PSTPIP2: variants seen among roughly 807,000 people sequenced by gnomAD.
The protein encoded by PSTPIP2 is proline-serine-threonine phosphatase-interacting protein 2.
Under a neutral mutation model 63.3 loss-of-function variants are expected in PSTPIP2, and 33 were observed. That is an observed-to-expected ratio of 0.52 (90% CI 0.40 to 0.70). PSTPIP2 has a LOEUF of 0.70. Among genes scored for constraint, PSTPIP2 ranks in the 30% least tolerant of loss-of-function variants. PSTPIP2 has a pLI of 0.00. For synonymous variants in PSTPIP2, 125 were observed against 132.7 expected (o/e 0.94, Z 0.40); for missense variants, 312 against 400.7 (o/e 0.78, Z 1.89).
chr18:45,985,305 G>T lies in PSTPIP2; in HGVS notation c.*154C>A. ...TCTACTTGCTTATGTTGTCCTAAAT[G>T]TCTACCATAAATTTTAAATCTCTAA... On this transcript the variant is annotated 3_prime_UTR_variant, in exon 15 of 15. Transcript: ENST00000409746. 1 of 1,084,944 alleles carries T rather than the reference G, an allele frequency of 9.2e-7. No homozygotes were observed. The highest frequency in any genetic ancestry group is 1.3e-6 in the Non-Finnish European group (1 of 749,014). 67.2% of individuals were successfully genotyped at this position (1,084,944 alleles called of 1,614,324 possible).
chr18:45,985,320 T>C lies in PSTPIP2; in HGVS notation c.*139A>G. On this transcript the variant is annotated 3_prime_UTR_variant, in exon 15 of 15. Transcript: ENST00000409746. ...TGTCCTAAATGTCTACCATAAATTT[T>C]AAATCTCTAAAAAATTATAGCAAGG... 7.9e-7 allele frequency: 1 copy of C among 1,266,716 alleles called. No homozygotes were observed. The highest frequency in any genetic ancestry group is 1.1e-6 in the Non-Finnish European group (1 of 903,944). 78.5% of individuals were successfully genotyped at this position (1,266,716 alleles called of 1,614,324 possible). A position where few individuals can be genotyped will look rare whatever the true frequency, so the allele number is the denominator to read the frequency against.
intron 2 of PSTPIP2, chr18:46,029,721 C>G (rs1389633095): frequency 1.8e-5 from 12 of 652,808 alleles, no homozygotes; most frequent in Non-Finnish European, 3.1e-5. Context: ...CCTTCCTGTA[C>G]AGTATTTCAA....
At chr18:46,064,591 C>T (rs922584667) in intron 1 of PSTPIP2, among the ~76,000 whole-genome samples, 13 of 151,850 alleles carry the variant, frequency 8.6e-5, no homozygotes, top group South Asian at 2.1e-4. Context: ...TGAGCCACCA[C>T]GCCCAGCCCT....
At position 45,990,744 on chromosome 18, in the gene PSTPIP2, G is replaced by C. The variant is rs555423133; in HGVS notation, c.933C>G (p.Leu311=). The C allele has an allele frequency of 2.0e-4, 317 of 1,606,176 alleles. 3 individuals carry two copies. In the South Asian group the frequency reaches 3.3e-3, roughly 17 times the overall value. Residue 311 remains leucine, a synonymous_variant, in exon 13 of 15, where the codon CTC becomes CTG. Transcript: ENST00000409746. ...TGPNLARRGP[L]PIPKSSPDDP... ...TACCTGGTGAGCTTTTAGGAATTGG[G>C]AGGGGTCCTCTCCTGTAAGAAATGA...
intron 9 of PSTPIP2, chr18:45,993,946 T>C: frequency 2.2e-6 from 1 of 463,632 alleles, no homozygotes; most frequent in Non-Finnish European, 4.0e-6. Flanking sequence ...AAAGTAATGA[T>C]GATCCCAGAT....
chr18:46,044,817 A>T (rs1169960573), intron 1 of PSTPIP2, among the ~76,000 whole-genome samples: 3 of 152,228 alleles, frequency 2.0e-5, no homozygotes, highest in Non-Finnish European at 4.4e-5. Flanking sequence ...TACAAGAAAA[A>T]AACAAACAAC....
At chr18:46,027,097 C>T (rs1169151180) in intron 2 of PSTPIP2, among the ~76,000 whole-genome samples, 3 of 151,858 alleles carry the variant, frequency 2.0e-5, no homozygotes, top group Non-Finnish European at 4.4e-5. Context: ...AGTTCGAGAC[C>T]AGCGTGGCCA....
chr18:46,058,844 G>A (rs1437590727), intron 1 of PSTPIP2, among the ~76,000 whole-genome samples: 1 of 152,162 alleles, frequency 6.6e-6, no homozygotes, highest in African/African-American at 2.4e-5. Context: ...GAATGGTTGT[G>A]GCCTTGCCAC....
At chr18:46,028,339 G>A (rs565375925) in intron 2 of PSTPIP2, 2 of 476,342 alleles carry the variant, frequency 4.2e-6, no homozygotes, top group African/African-American at 2.0e-5. Context: ...GGGGCCGAGC[G>A]AGCCGCCCCA....
chr18:45,999,507 G>C lies in PSTPIP2; in HGVS notation c.445C>G (p.Arg149Gly). 3 of 1,614,036 alleles carry C rather than the reference G, an allele frequency of 1.9e-6. No individual in the cohort carries two copies. Among genetic ancestry groups the C allele is most frequent in the Non-Finnish European group, 2.5e-6 (3 of 1,180,006 alleles). ...DAKKNYEQKC[R>G]DKDEAEQAVS... Reference sequence around the variant, plus strand: ...GCCTGTTCTGCCTCATCTTTGTCCCGGCATTTCTGCTCATAGTTCTTCTTT... The same window carrying C: ...GCCTGTTCTGCCTCATCTTTGTCCCCGCATTTCTGCTCATAGTTCTTCTTT... The change falls in exon 7 of 15, where the codon CGG becomes GGG. Residue 149 changes from arginine to glycine, a missense_variant. Physicochemically the swap from Arg to Gly is moderately radical, Grantham distance 125 (BLOSUM62 -2). Transcript: ENST00000409746.
Position 46,040,893 on chromosome 18 carries a change from C to G in PSTPIP2, c.34-846G>C, listed in dbSNP as rs79392672. 2.3e-3 allele frequency: 945 copies of G among 406,536 alleles called. 9 individuals carry two copies. Among genetic ancestry groups the G allele is most frequent in the African/African-American group, 0.018 (882 of 48,670 alleles). 25.2% of individuals were successfully genotyped at this position (406,536 alleles called of 1,614,324 possible). On this transcript the variant is annotated intron_variant, in intron 1 of 14. Transcript: ENST00000409746. ...TCCTCTACTGAAGCCCAAATTCAGGCCAGGAGAGGGAGAAGGAGCTGGGCG... is the reference window on the plus strand; with the variant it reads ...TCCTCTACTGAAGCCCAAATTCAGGGCAGGAGAGGGAGAAGGAGCTGGGCG...
intron 5 of PSTPIP2, among the ~76,000 whole-genome samples, chr18:46,008,682 C>T (rs2051759626): frequency 1.3e-5 from 2 of 152,160 alleles, no homozygotes; most frequent in Admixed American, 6.5e-5. Flanking sequence ...CCGCTCTCCA[C>T]ACAGGCAGCA....
chr18:46,028,691 A>G, intron 2 of PSTPIP2: 2 of 874,372 alleles, frequency 2.3e-6, no homozygotes, highest in Non-Finnish European at 1.9e-6. Flanking sequence ...GGTTTCGGAA[A>G]GATAATGATG....
rs111801925 is a variant in PSTPIP2, at chr18:45,996,501, G to A, written c.642+1248C>T. 1.9e-3 allele frequency among the ~76,000 whole-genome samples: 291 copies of A among 152,224 alleles called. 1 individual carries two copies. The highest frequency in any genetic ancestry group is 0.014 in the Middle Eastern group (4 of 294). On this transcript the variant is annotated intron_variant, in intron 9 of 14. Coordinates refer to ENST00000409746, the MANE Select transcript of PSTPIP2 (RefSeq NM_024430.4). Reference sequence around the variant, plus strand: ...TTTGAGAACCACTGGAAGAAAATGTGTAGGCAGGATGACAGAAACTTAAGC... The same window carrying A: ...TTTGAGAACCACTGGAAGAAAATGTATAGGCAGGATGACAGAAACTTAAGC...
chr18:46,069,041 C>T (rs1441459764), intron 1 of PSTPIP2, among the ~76,000 whole-genome samples: 3 of 152,148 alleles, frequency 2.0e-5, no homozygotes, highest in African/African-American at 4.8e-5. Context: ...AACTAGGAAG[C>T]TGGTCTACAC....
intron 2 of PSTPIP2, among the ~76,000 whole-genome samples, chr18:46,027,760 T>C (rs780960115): frequency 6.6e-5 from 10 of 152,048 alleles, no homozygotes; most frequent in Non-Finnish European, 1.5e-4. Context: ...GAAAAAAAAC[T>C]GAAGTGAAGC....
At chr18:46,058,816 C>T (rs374831038) in intron 1 of PSTPIP2, among the ~76,000 whole-genome samples, 3 of 152,264 alleles carry the variant, frequency 2.0e-5, no homozygotes, top group African/African-American at 7.2e-5. Flanking sequence ...CGGGGTGGGA[C>T]CCTCTGTGTC....
At chr18:45,990,641 G>T in intron 13 of PSTPIP2, 81 bp downstream of exon 13, 1 of 1,227,334 alleles carries the variant, frequency 8.1e-7, no homozygotes, top group Non-Finnish European at 1.2e-6. Context: ...TGTTGACCAG[G>T]CTGGTCTCAA....
At chr18:46,013,445 CAG>C (rs2051821925) in intron 4 of PSTPIP2, among the ~76,000 whole-genome samples, 1 of 152,092 alleles carries the variant, frequency 6.6e-6, no homozygotes, top group African/African-American at 2.4e-5. Context: ...TTCTGAAAAA[CAG>C]AAAGCTTTAG....
Sources: gnomAD v4.1 joint callset for allele counts (sites outside exome capture counted in the v4.1 genomes callset) on GRCh38, gnomAD v4.1.1 for gene constraint, MANE v1.5 for transcripts, NCBI Gene and HGNC (gene_info 2026-07-23, HGNC 2026-07-21) for gene names.